RCAN1: variants seen among roughly 807,000 people sequenced by gnomAD.
RCAN1 encodes the protein regulator of calcineurin 1.
In RCAN1, 11 loss-of-function variants were observed where a neutral mutation model predicts 22.9. That is an observed-to-expected ratio of 0.48 (90% CI 0.30 to 0.79). RCAN1 has a LOEUF of 0.79. Ranked by LOEUF, RCAN1 falls within the 30% of genes least tolerant of loss-of-function variation. The pLI is 0.06. For synonymous variants in RCAN1, 136 were observed against 142.3 expected, an observed-to-expected ratio of 0.96 and a Z score of 0.32; for missense variants, 291 against 337.8, an observed-to-expected ratio of 0.86 and a Z score of 1.09.
chr21:34,538,574 G>A (rs939883444), intron 1 of RCAN1, among the ~76,000 whole-genome samples: 5 of 152,316 alleles, frequency 3.3e-5, no homozygotes, highest in Admixed American at 6.5e-5. Flanking sequence ...AGGTTATTAG[G>A]ACGAGTGGTG....
At chr21:34,594,341 C>T (rs887226753) in intron 1 of RCAN1, among the ~76,000 whole-genome samples, 11 of 152,120 alleles carry the variant, frequency 7.2e-5, no homozygotes, top group African/African-American at 2.7e-4. Flanking sequence ...ATCACGGGGT[C>T]AAGAGATTGA....
Position 34,614,588 on chromosome 21 carries a change from G to T in RCAN1, c.252+172C>A. 1.0e-6 allele frequency: 1 copy of T among 1,003,518 alleles called. No individual in the cohort carries two copies. The highest frequency in any genetic ancestry group is 4.9e-5 in the South Asian group (1 of 20,408). 62.2% of individuals were successfully genotyped at this position (1,003,518 alleles called of 1,614,324 possible). Reference sequence around the variant, plus strand: ...GGGTGCTAGGGGACCGGGACCCTCGGGGCGCCGTCCCCACGCCCCAGCCCT... The same window carrying T: ...GGGTGCTAGGGGACCGGGACCCTCGTGGCGCCGTCCCCACGCCCCAGCCCT... On this transcript the variant is annotated intron_variant, in intron 1 of 3. Transcript: ENST00000313806. The surrounding 1 kb of genome is among the most constrained non-coding windows in gnomAD (Gnocchi z 6.0).
rs904774690 is a variant in RCAN1, at chr21:34,523,864, C to A, written c.253-154G>T. ...GTGGTGCAGTTTTGGCTCACTGCAA[C>A]CTCCACCTCCCAGGTTCAAGTGATT... On this transcript the variant is annotated intron_variant, in intron 1 of 3. Transcript: ENST00000313806. 3 of 511,742 alleles carry A rather than the reference C, an allele frequency of 5.9e-6. No individual in the cohort carries two copies. The South Asian group carries it at 7.1e-5, about 12-fold the overall frequency. 31.7% of individuals were successfully genotyped at this position (511,742 alleles called of 1,614,324 possible).
chr21:34,518,907 G>C lies in RCAN1; in HGVS notation c.587-651C>G, dbSNP rs773357272. Among the ~76,000 whole-genome samples the C allele has an allele frequency of 6.6e-6, 1 of 152,218 alleles. No individual in the cohort carries two copies. Among genetic ancestry groups the C allele is most frequent in the African/African-American group, 2.4e-5 (1 of 41,442 alleles). On this transcript the variant is annotated intron_variant, in intron 3 of 3. Transcript: ENST00000313806. This position sits in a 1 kb window ranked among gnomAD's most constrained non-coding sequence, Gnocchi z 4.2. ...CAGGCCACTCTGGTCCAGCAAGGGT[G>C]GGGAGAGCTTTCTGCAACTGAAAAA...
chr21:34,517,953 GCAACATGAA>G lies in RCAN1; in HGVS notation c.*122_*130del. The stretch of plus-strand genomic sequence containing the variant: ...GGACACGGCCTTGATTCTCTTCTGA[GCAACATGAA>G]CTGGGATTTCTGCCACCCCGATCTC... On this transcript the variant is annotated 3_prime_UTR_variant, in exon 4 of 4. Transcript: ENST00000313806. 4 of 1,093,002 alleles carry G rather than the reference GCAACATGAA, an allele frequency of 3.7e-6. No individual in the cohort carries two copies. The highest frequency in any genetic ancestry group is 4.0e-6 in the Non-Finnish European group (3 of 741,474). The allele number at this position is 1,093,002 out of a possible 1,614,324, so 67.7% of individuals were successfully genotyped here. A position where few individuals can be genotyped will look rare whatever the true frequency, so the allele number is the denominator to read the frequency against.
chr21:34,576,561 T>C (rs1987416815), intron 1 of RCAN1, among the ~76,000 whole-genome samples: 1 of 152,176 alleles, frequency 6.6e-6, no homozygotes, highest in Non-Finnish European at 1.5e-5. Context: ...GAATGATGAA[T>C]ATTAAAAATA....
At chr21:34,613,775 A>G (rs1210787231) in intron 1 of RCAN1, 1 of 1,490,354 alleles carries the variant, frequency 6.7e-7, no homozygotes, top group South Asian at 1.3e-5. Flanking sequence ...ATTATAAATA[A>G]ATGACACTTA....
At chr21:34,576,799 T>C (rs1004064492) in intron 1 of RCAN1, among the ~76,000 whole-genome samples, 8 of 152,280 alleles carry the variant, frequency 5.3e-5, no homozygotes, top group African/African-American at 1.4e-4. Context: ...AATCCAAAGA[T>C]AGCTAATGGA....
intron 1 of RCAN1, among the ~76,000 whole-genome samples, chr21:34,554,538 G>C (rs1466233651): frequency 6.6e-6 from 1 of 152,186 alleles, no homozygotes; most frequent in Non-Finnish European, 1.5e-5. Flanking sequence ...ATCACAGAAG[G>C]AGACAATCAG....
intron 1 of RCAN1, among the ~76,000 whole-genome samples, chr21:34,580,753 A>G (rs1202004105): frequency 2.0e-5 from 3 of 152,180 alleles, no homozygotes; most frequent in Non-Finnish European, 4.4e-5. Context: ...TAGATGAAGG[A>G]ATCCTTCCTA....
At chr21:34,595,806 G>C (rs558035908) in intron 1 of RCAN1, among the ~76,000 whole-genome samples, 36 of 152,342 alleles carry the variant, frequency 2.4e-4, no homozygotes, top group African/African-American at 8.4e-4. Context: ...GGCCGGACAG[G>C]CTGCCTCAAG....
At chr21:34,613,380 C>G (rs1255189145) in intron 1 of RCAN1, among the ~76,000 whole-genome samples, 1 of 152,176 alleles carries the variant, frequency 6.6e-6, no homozygotes, top group Non-Finnish European at 1.5e-5. Context: ...CTGATGCAGC[C>G]TCAGAGCCTA....
At chr21:34,520,697 C>T (rs1568877798) in intron 3 of RCAN1, among the ~76,000 whole-genome samples, 1 of 152,180 alleles carries the variant, frequency 6.6e-6, no homozygotes, top group Non-Finnish European at 1.5e-5. Flanking sequence ...CTCTCCCTCA[C>T]ACCTGCCTCC....
intron 1 of RCAN1, among the ~76,000 whole-genome samples, chr21:34,540,178 A>G (rs923497281): frequency 2.0e-5 from 3 of 152,216 alleles, no homozygotes; most frequent in Non-Finnish European, 4.4e-5. Context: ...TAATGATGAC[A>G]GTTGTTTAAT....
At chr21:34,537,846 G>A (rs1031333534) in intron 1 of RCAN1, among the ~76,000 whole-genome samples, 1 of 149,424 alleles carries the variant, frequency 6.7e-6, no homozygotes, top group Non-Finnish European at 1.5e-5. Context: ...GTGTGTGTGT[G>A]TACTTATTTT....
chr21:34,598,815 A>C (rs1327939153), intron 1 of RCAN1, among the ~76,000 whole-genome samples: 1 of 152,270 alleles, frequency 6.6e-6, no homozygotes, highest in Non-Finnish European at 1.5e-5. Context: ...TACAGACGAT[A>C]AACTCACCAG....
chr21:34,523,431 G>T, intron 2 of RCAN1, 106 bp downstream of exon 2: 1 of 1,067,916 alleles, frequency 9.4e-7, no homozygotes, highest in Non-Finnish European at 1.3e-6. Flanking sequence ...TCAAGGTGAA[G>T]TCTCAGAGTT....
At chr21:34,570,564 G>T (rs895384965) in intron 1 of RCAN1, among the ~76,000 whole-genome samples, 1 of 151,948 alleles carries the variant, frequency 6.6e-6, no homozygotes, top group Non-Finnish European at 1.5e-5. Context: ...ATGCTGAGTG[G>T]CTCAAAACTC....
intron 1 of RCAN1, among the ~76,000 whole-genome samples, chr21:34,535,046 A>G (rs1010233308): frequency 6.6e-6 from 1 of 152,260 alleles, no homozygotes; most frequent in African/African-American, 2.4e-5. Flanking sequence ...CATGTTTCAT[A>G]AAGTATCCAG....
Sources: allele counts gnomAD v4.1 joint callset (sites outside exome capture counted in the v4.1 genomes callset), GRCh38; gene constraint gnomAD v4.1.1; non-coding constraint Gnocchi (gnomAD v3.1); transcripts MANE v1.5; gene names NCBI Gene and HGNC (gene_info 2026-07-23, HGNC 2026-07-21).